The following EIF3K variants were observed in gnomAD, a reference collection of about 807,000 sequenced individuals.
EIF3K encodes the protein eIF-3 p28.
A neutral mutation model predicts 34.2 loss-of-function variants in EIF3K; 27 were observed. The observed-to-expected ratio is 0.79, with a 90% CI of 0.58 to 1.09. The LOEUF is 1.09. Ranked by LOEUF, EIF3K falls within the 50% of genes least tolerant of loss-of-function variation. The pLI is 0.00. For synonymous variants in EIF3K, 105 were observed against 105.7 expected, an observed-to-expected ratio of 0.99 and a Z score of 0.04; for missense variants, 232 against 275.4, an observed-to-expected ratio of 0.84 and a Z score of 1.11.
intron 4 of EIF3K, among the ~76,000 whole-genome samples, chr19:38,628,062 G>A (rs926553377): frequency 9.2e-5 from 14 of 151,802 alleles, no homozygotes; most frequent in Non-Finnish European, 1.9e-4. Flanking sequence ...GCACCACCCC[G>A]CCGGCTAATT....
At chr19:38,631,514 A>C (rs1976064958) in intron 4 of EIF3K, among the ~76,000 whole-genome samples, 1 of 152,250 alleles carries the variant, frequency 6.6e-6, no homozygotes, top group Non-Finnish European at 1.5e-5. Context: ...TCCCACCTCC[A>C]GCCCTAAGGC....
intron 3 of EIF3K, 107 bp from the exon 4 acceptor site, chr19:38,625,921 C>T (rs1322713771): frequency 9.5e-7 from 1 of 1,057,156 alleles, no homozygotes; most frequent in Non-Finnish European, 1.5e-6. Context: ...TTTTTCTGAG[C>T]TGAAGCTTTG....
intron 3 of EIF3K, among the ~76,000 whole-genome samples, chr19:38,624,669 T>C (rs1975911223): frequency 1.3e-5 from 2 of 151,690 alleles, no homozygotes. Context: ...AGCTGGGAGA[T>C]GGAGGTTGCA....
chr19:38,631,275 A>G (rs1445721933), intron 4 of EIF3K, among the ~76,000 whole-genome samples: 1 of 152,146 alleles, frequency 6.6e-6, no homozygotes, highest in Non-Finnish European at 1.5e-5. Flanking sequence ...CACACGGAGG[A>G]TCCCACCGGC....
intron 4 of EIF3K, among the ~76,000 whole-genome samples, chr19:38,631,370 GAGA>G (rs1976061829): frequency 6.6e-6 from 1 of 152,182 alleles, no homozygotes; most frequent in African/African-American, 2.4e-5. Flanking sequence ...TAATAGTGGA[GAGA>G]AGGTCAGCAG....
chr19:38,632,571 G>T, intron 5 of EIF3K, 30 bp from the exon 6 acceptor site: 1 of 1,613,270 alleles, frequency 6.2e-7, no homozygotes, highest in Non-Finnish European at 8.5e-7. Context: ...GGGGACAGCT[G>T]CTCACCGGTT....
intron 2 of EIF3K, among the ~76,000 whole-genome samples, chr19:38,621,567 C>G (rs1364298879): frequency 6.6e-6 from 1 of 152,190 alleles, no homozygotes; most frequent in African/African-American, 2.4e-5. Context: ...CCCCTATGCT[C>G]TATGCCAACC....
chr19:38,623,814 C>G (rs1171237413), intron 2 of EIF3K, among the ~76,000 whole-genome samples: 5 of 152,228 alleles, frequency 3.3e-5, no homozygotes, highest in Non-Finnish European at 1.5e-5. Context: ...CTCCAGACCA[C>G]TGCTGCTGTT....
chr19:38,633,421 G>A (rs530571310), intron 6 of EIF3K, among the ~76,000 whole-genome samples: 4 of 152,036 alleles, frequency 2.6e-5, no homozygotes, highest in African/African-American at 9.6e-5. Flanking sequence ...AAGGAAGGCC[G>A]GGTGCGGTGG....
rs1398797968 is a variant in EIF3K, at chr19:38,620,319, A to G, written c.60-18A>G. 1.9e-6 allele frequency: 3 copies of G among 1,611,232 alleles called. No individual in the cohort carries two copies. The highest frequency in any genetic ancestry group is 2.2e-5 in the East Asian group (1 of 44,890). On this transcript the variant is annotated intron_variant, in intron 1 of 7. Coordinates refer to ENST00000248342, the MANE Select transcript of EIF3K (RefSeq NM_013234.4). ...GCTTCTGTCTCCTCTGTGCTCACCT[A>G]TCTTGATTCTCCTTTAGGTACAATC...
At chr19:38,626,817 G>T (rs28673850) in intron 4 of EIF3K, among the ~76,000 whole-genome samples, 95 of 151,820 alleles carry the variant, frequency 6.3e-4, no homozygotes, top group African/African-American at 2.0e-3. Context: ...TTGTTTTTTG[G>T]TTTTTTTGAG....
At chr19:38,633,002 T>A in intron 6 of EIF3K, 1 of 288,758 alleles carries the variant, frequency 3.5e-6, no homozygotes, top group Admixed American at 4.9e-5. Flanking sequence ...AGGTGTCCAG[T>A]GGTGATTCCT....
At chr19:38,636,545 C>T (rs959880418) in intron 7 of EIF3K, among the ~76,000 whole-genome samples, 2 of 151,814 alleles carry the variant, frequency 1.3e-5, no homozygotes, top group African/African-American at 4.8e-5. Flanking sequence ...TAGGTAATTA[C>T]AAACAACACT....
At chr19:38,631,879 C>A in intron 4 of EIF3K, 1 of 217,500 alleles carries the variant, frequency 4.6e-6, no homozygotes, top group Non-Finnish European at 8.8e-6. Context: ...TGCCTTCAAG[C>A]ATCTGTTTAA....
At chr19:38,628,132 G>A (rs1486672155) in intron 4 of EIF3K, among the ~76,000 whole-genome samples, 1 of 152,012 alleles carries the variant, frequency 6.6e-6, no homozygotes, top group African/African-American at 2.4e-5. Flanking sequence ...TCGAACTACT[G>A]ACCTCAAGTG....
In EIF3K at chr19:38,623,556, C is replaced by T. The variant is rs534437805; in HGVS notation, c.159-521C>T. On this transcript the variant is annotated intron_variant, in intron 2 of 7. Transcript: ENST00000248342. ...CTGATCTCAGGTGATCCGCCCATCTCGGCCTCCCAAAGTGCTGGGATTACA... is the reference window on the plus strand; with the variant it reads ...CTGATCTCAGGTGATCCGCCCATCTTGGCCTCCCAAAGTGCTGGGATTACA... Among the ~76,000 whole-genome samples the T allele has an allele frequency of 1.1e-4, 16 of 152,074 alleles. No individual in the cohort carries two copies. The South Asian group carries it at 2.1e-3, about 20-fold the overall frequency.
intron 5 of EIF3K, 29 bp from the exon 6 acceptor site, chr19:38,632,572 C>T: frequency 6.2e-7 from 1 of 1,613,500 alleles, no homozygotes; most frequent in Non-Finnish European, 8.5e-7. Flanking sequence ...GGGACAGCTG[C>T]TCACCGGTTT....
intron 4 of EIF3K, among the ~76,000 whole-genome samples, chr19:38,631,267 CA>C (rs1976059034): frequency 6.6e-6 from 1 of 152,234 alleles, no homozygotes; most frequent in African/African-American, 2.4e-5. Context: ...GCGTTCAGCA[CA>C]CGGAGGATCC....
At chr19:38,626,263 G>A in intron 4 of EIF3K, 161 bp downstream of exon 4, 1 of 690,800 alleles carries the variant, frequency 1.4e-6, no homozygotes, top group African/African-American at 1.8e-5. Flanking sequence ...CGCGGAGCAG[G>A]TACTCACAGG....
Sources: allele counts gnomAD v4.1 joint callset (sites outside exome capture counted in the v4.1 genomes callset), GRCh38; gene constraint gnomAD v4.1.1; transcripts MANE v1.5; gene names NCBI Gene and HGNC (gene_info 2026-07-23, HGNC 2026-07-21).